TEX9: variants seen among roughly 807,000 people sequenced by gnomAD.
The protein encoded by TEX9 is testis expressed 9.
In TEX9, 74 loss-of-function variants were observed where a neutral mutation model predicts 59.6. The observed-to-expected ratio is 1.24, with a 90% CI of 1.03 to 1.51. The LOEUF is 1.51. TEX9 is among the 40% of genes most tolerant of loss of function. The probability of loss-of-function intolerance (pLI) is 0.00; values close to 1 mark genes in which losing one functional copy is unlikely to be tolerated. For missense variants in TEX9, 522 were observed against 447.8 expected (o/e 1.17, Z -1.49); for synonymous variants, 186 against 152.2 (o/e 1.22, Z -1.64).
intron 4 of TEX9, among the ~76,000 whole-genome samples, chr15:56,386,537 A>G (rs1161344684): frequency 6.6e-6 from 1 of 151,976 alleles, no homozygotes; most frequent in East Asian, 1.9e-4. Context: ...CAAGAAGTTA[A>G]TATGTGTTGC....
At chr15:56,391,330 T>G (rs533228659) in exon 7 of TEX9, 2 of 1,606,216 alleles carry the variant, frequency 1.2e-6, no homozygotes, top group African/African-American at 2.7e-5. Context: ...CAAAAACAAT[T>G]AGCAAAATTG....
intron 8 of TEX9, 80 bp downstream of exon 8, chr15:56,394,327 CTTTA>C (rs1226939736): frequency 5.8e-6 from 7 of 1,207,146 alleles, no homozygotes; most frequent in Admixed American, 2.5e-5. Context: ...TTTTGAATTA[CTTTA>C]TTTAGATATA....
chr15:56,430,439 C>G (rs2050555998), intron 12 of TEX9, among the ~76,000 whole-genome samples: 1 of 152,172 alleles, frequency 6.6e-6, no homozygotes, highest in South Asian at 2.1e-4. Flanking sequence ...CTCCTGGGCT[C>G]AGGTGATCCT....
intron 1 of TEX9, among the ~76,000 whole-genome samples, chr15:56,307,280 T>G (rs1347993612): frequency 6.6e-6 from 1 of 152,182 alleles, no homozygotes; most frequent in African/African-American, 2.4e-5. Context: ...CCAAGCTTAT[T>G]GTCTAAACAG....
intron 12 of TEX9, chr15:56,429,015 AATGCCACTGAACTGTAAAACAAAAGTT>A (rs1567144042): frequency 4.3e-6 from 3 of 697,020 alleles, no homozygotes; most frequent in Non-Finnish European, 7.0e-6. Flanking sequence ...ATGGATACCT[AATGCCACTGAACTGTAAAACAAAAGTT>A]ATGCTGACAT....
intron 12 of TEX9, among the ~76,000 whole-genome samples, chr15:56,439,184 C>T (rs549950411): frequency 6.6e-6 from 1 of 152,182 alleles, no homozygotes; most frequent in East Asian, 1.9e-4. Flanking sequence ...TTTACGATTG[C>T]TCAAAAAATG....
upstream of TEX9, among the ~76,000 whole-genome samples, chr15:56,364,312 C>A (rs2046851266): frequency 6.6e-6 from 1 of 151,972 alleles, no homozygotes; most frequent in African/African-American, 2.4e-5. Flanking sequence ...AGCCACCACA[C>A]CCGGCTAATT....
chr15:56,417,315 A>C (rs1324867248), intron 10 of TEX9, among the ~76,000 whole-genome samples: 1 of 151,594 alleles, frequency 6.6e-6, no homozygotes, highest in Non-Finnish European at 1.5e-5. Context: ...GATCTTTATA[A>C]CTTTTTGATG....
chr15:56,362,962 TGAATATAC>T (rs1306619944), upstream of TEX9, among the ~76,000 whole-genome samples: 5 of 152,244 alleles, frequency 3.3e-5, no homozygotes, highest in Non-Finnish European at 5.9e-5. Flanking sequence ...TTCCATTGTA[TGAATATAC>T]CACTTTTTAT....
chr15:56,441,947 G>A (rs1436545444), intron 12 of TEX9, among the ~76,000 whole-genome samples: 3 of 152,014 alleles, frequency 2.0e-5, no homozygotes, highest in Admixed American at 6.6e-5. Context: ...GTGAACCCGG[G>A]AGGCATAGCT....
At chr15:56,399,645 C>A (rs771091832) in intron 9 of TEX9, among the ~76,000 whole-genome samples, 4 of 152,226 alleles carry the variant, frequency 2.6e-5, no homozygotes, top group East Asian at 1.9e-4. Flanking sequence ...TGAGAATGGA[C>A]AGACTGCCTC....
At chr15:56,277,013 T>G (rs2044685389) in intron 1 of TEX9, among the ~76,000 whole-genome samples, 1 of 118,028 alleles carries the variant, frequency 8.5e-6, no homozygotes, top group African/African-American at 2.8e-5. Context: ...GATGGGGTTG[T>G]TTGTTTTTTT....
intron 1 of TEX9, among the ~76,000 whole-genome samples, chr15:56,314,249 C>T (rs10438280): frequency 0.28 from 20,785 of 73,438 alleles, 2,962 homozygotes; most frequent in Middle Eastern, 0.49. Flanking sequence ...GTTAGGGTGT[C>T]AATTTTGGAT....
chr15:56,383,148 G>A (rs557607909), intron 3 of TEX9, among the ~76,000 whole-genome samples: 22 of 152,136 alleles, frequency 1.4e-4, no homozygotes, highest in African/African-American at 2.2e-4. Flanking sequence ...TCTCCGCCCC[G>A]CATGACTTTG....
At chr15:56,252,348 A>C (rs1433681517) in intron 1 of TEX9, among the ~76,000 whole-genome samples, 1 of 146,580 alleles carries the variant, frequency 6.8e-6, no homozygotes, top group Non-Finnish European at 1.5e-5. Context: ...CCAAACAATG[A>C]ATGTTTGTTG....
At chr15:56,395,134 C>T (rs1023782648) in intron 9 of TEX9, 6 of 362,478 alleles carry the variant, frequency 1.7e-5, no homozygotes, top group Non-Finnish European at 2.9e-5. Flanking sequence ...ACCCTGCTCC[C>T]CTCAATCCCT....
chr15:56,357,736 A>G (rs75084611), intron 1 of TEX9, among the ~76,000 whole-genome samples: 4,193 of 152,208 alleles, frequency 0.028, 78 homozygotes, highest in Non-Finnish European at 0.043. Flanking sequence ...AATATCTGCA[A>G]GCTTCATTTG....
the TEX9 span, among the ~76,000 whole-genome samples, chr15:56,458,498 A>G: frequency 6.6e-6 from 1 of 152,148 alleles, no homozygotes; most frequent in Admixed American, 6.5e-5. Context: ...GTTTACATTA[A>G]GGTTCATTCT....
At chr15:56,273,546 A>C (rs1254032981) in intron 1 of TEX9, among the ~76,000 whole-genome samples, 1 of 152,242 alleles carries the variant, frequency 6.6e-6, no homozygotes, top group Non-Finnish European at 1.5e-5. Flanking sequence ...GAGCAATTAA[A>C]ATAAGGAAAA....
Sources: allele counts gnomAD v4.1 joint callset (sites outside exome capture counted in the v4.1 genomes callset), GRCh38; gene constraint gnomAD v4.1.1; transcripts MANE v1.5; gene names NCBI Gene and HGNC (gene_info 2026-07-23, HGNC 2026-07-21).